The following GALNT17 variants were observed in gnomAD, a reference collection of about 807,000 sequenced individuals.
GALNT17 encodes polypeptide N-acetylgalactosaminyltransferase 17.
GALNT17 carries 29 observed loss-of-function variants against 63.7 expected under a neutral mutation model. That is an observed-to-expected ratio of 0.46 (90% confidence interval 0.34 to 0.62). The LOEUF (loss-of-function observed/expected upper bound fraction) is 0.62. Among genes scored for constraint, GALNT17 ranks in the 20% least tolerant of loss-of-function variants. The probability of loss-of-function intolerance (pLI) is 0.01; values close to 1 mark genes in which losing one functional copy is unlikely to be tolerated. For missense variants in GALNT17, 603 were observed against 799.6 expected (o/e 0.75, Z 2.97); for synonymous variants, 305 against 318.3 (o/e 0.96, Z 0.45).
At chr7:71,498,343 G>A (rs187897796) in intron 5 of GALNT17, among the ~76,000 whole-genome samples, 2 of 152,046 alleles carry the variant, frequency 1.3e-5, no homozygotes, top group South Asian at 2.1e-4. Flanking sequence ...CGGGTCTGGC[G>A]GTTCACGTCT....
chr7:71,595,088 G>GC (rs1438455168), intron 6 of GALNT17, among the ~76,000 whole-genome samples: 1 of 152,118 alleles, frequency 6.6e-6, no homozygotes, highest in Admixed American at 6.5e-5. Context: ...AAGCCAAGGA[G>GC]CCCCAAAGAC....
At chr7:71,463,073 G>A (rs1038682720) in intron 5 of GALNT17, among the ~76,000 whole-genome samples, 7 of 152,132 alleles carry the variant, frequency 4.6e-5, no homozygotes, top group African/African-American at 1.7e-4. Flanking sequence ...TGAGGGTTCT[G>A]GAATGGGCTG....
intron 6 of GALNT17, among the ~76,000 whole-genome samples, chr7:71,572,371 G>A (rs940442124): frequency 1.3e-5 from 2 of 150,772 alleles, no homozygotes; most frequent in African/African-American, 4.9e-5. Flanking sequence ...GTGTGATTGT[G>A]TGAACCTGTA....
intron 5 of GALNT17, among the ~76,000 whole-genome samples, chr7:71,477,689 T>TA (rs1335100742): frequency 4.6e-5 from 7 of 151,618 alleles, no homozygotes; most frequent in East Asian, 3.9e-4. Flanking sequence ...ATCCTGTATC[T>TA]AAAAAAACAA....
chr7:71,508,249 G>C (rs994241500), intron 5 of GALNT17, among the ~76,000 whole-genome samples: 4 of 152,200 alleles, frequency 2.6e-5, no homozygotes, highest in African/African-American at 4.8e-5. Flanking sequence ...CACCGTAAGC[G>C]TGTGACATTG....
intron 6 of GALNT17, among the ~76,000 whole-genome samples, chr7:71,585,657 T>G (rs868321513): frequency 6.6e-5 from 10 of 152,226 alleles, no homozygotes; most frequent in Middle Eastern, 3.4e-3. Context: ...ATTTTATATG[T>G]CTAAATCCAT....
intron 1 of GALNT17, among the ~76,000 whole-genome samples, chr7:71,147,912 G>A (rs1788055217): frequency 6.6e-6 from 1 of 152,052 alleles, no homozygotes; most frequent in African/African-American, 2.4e-5. Flanking sequence ...TTACATGCAT[G>A]AGCCACTGCA....
chr7:71,546,956 G>A (rs1029977552), intron 5 of GALNT17, among the ~76,000 whole-genome samples: 2 of 151,830 alleles, frequency 1.3e-5, no homozygotes, highest in African/African-American at 2.4e-5. Context: ...CTTTATCTTG[G>A]TTTTTTATTT....
At chr7:71,142,928 G>C (rs1437390379) in intron 1 of GALNT17, among the ~76,000 whole-genome samples, 1 of 138,564 alleles carries the variant, frequency 7.2e-6, no homozygotes, top group Non-Finnish European at 1.5e-5. Flanking sequence ...GCGACAGGGC[G>C]AGACTCTTGT....
chr7:71,283,271 G>A (rs1790810836), intron 1 of GALNT17, among the ~76,000 whole-genome samples: 1 of 151,996 alleles, frequency 6.6e-6, no homozygotes, highest in Non-Finnish European at 1.5e-5. Context: ...AAACTCCTAG[G>A]CTCAAGGGAT....
At chr7:71,556,126 A>C (rs964092290) in intron 5 of GALNT17, among the ~76,000 whole-genome samples, 1 of 152,208 alleles carries the variant, frequency 6.6e-6, no homozygotes, top group African/African-American at 2.4e-5. Flanking sequence ...ACTTTCTTAC[A>C]ACTATTTTGC....
intron 1 of GALNT17, among the ~76,000 whole-genome samples, chr7:71,243,116 C>G (rs11974311): frequency 0.11 from 17,111 of 152,052 alleles, 1,746 homozygotes; most frequent in African/African-American, 0.28. Context: ...CAAGGCTGTT[C>G]TTGTGATAGT....
intron 5 of GALNT17, among the ~76,000 whole-genome samples, chr7:71,527,866 A>C (rs929844322): frequency 1.3e-5 from 2 of 152,146 alleles, no homozygotes; most frequent in Non-Finnish European, 2.9e-5. Flanking sequence ...CACACCCTGC[A>C]CATTTGCACT....
At chr7:71,537,925 A>T (rs1010634600) in intron 5 of GALNT17, among the ~76,000 whole-genome samples, 2 of 152,166 alleles carry the variant, frequency 1.3e-5, no homozygotes, top group African/African-American at 4.8e-5. Flanking sequence ...AGATCAAGGA[A>T]TTCCTGTGGC....
intron 6 of GALNT17, among the ~76,000 whole-genome samples, chr7:71,591,612 A>G (rs1789802747): frequency 6.6e-6 from 1 of 152,170 alleles, no homozygotes; most frequent in Non-Finnish European, 1.5e-5. Context: ...CTTTTGGCTC[A>G]TTGGAAATGG....
At chr7:71,150,977 CA>C (rs34934868) in intron 1 of GALNT17, among the ~76,000 whole-genome samples, 46,077 of 103,024 alleles carry the variant, frequency 0.45, 8,394 homozygotes, top group African/African-American at 0.56. Flanking sequence ...ACCCTGACTT[CA>C]AAAAAAAAAA....
At chr7:71,229,895 G>A (rs1002897113) in intron 1 of GALNT17, among the ~76,000 whole-genome samples, 2 of 152,238 alleles carry the variant, frequency 1.3e-5, no homozygotes, top group Admixed American at 1.3e-4. Context: ...GCCAAGAGCG[G>A]CAGCCTGTGT....
At chr7:71,522,037 G>A (rs1163608108) in intron 5 of GALNT17, among the ~76,000 whole-genome samples, 1 of 152,106 alleles carries the variant, frequency 6.6e-6, no homozygotes, top group Non-Finnish European at 1.5e-5. Flanking sequence ...AGGTCATTGA[G>A]CTAATTAGCG....
intron 9 of GALNT17, among the ~76,000 whole-genome samples, chr7:71,697,185 T>C (rs1791558240): frequency 6.6e-6 from 1 of 152,138 alleles, no homozygotes; most frequent in South Asian, 2.1e-4. Context: ...TATTCTTAAA[T>C]TGGTGGACCA....
Sources: gnomAD v4.1 joint callset for allele counts (sites outside exome capture counted in the v4.1 genomes callset) on GRCh38, gnomAD v4.1.1 for gene constraint, MANE v1.5 for transcripts, NCBI Gene and HGNC (gene_info 2026-07-23, HGNC 2026-07-21) for gene names.